The following ABAT variants were observed in gnomAD, a reference collection of about 807,000 sequenced individuals.
ABAT encodes the protein 4-aminobutyrate aminotransferase, mitochondrial.
In ABAT, 45 loss-of-function variants were observed where a neutral mutation model predicts 64.6. That is an observed-to-expected ratio of 0.70 (90% CI 0.55 to 0.89). The LOEUF (loss-of-function observed/expected upper bound fraction) is 0.89, where lower values mean the gene tolerates loss of function less well. Among genes scored for constraint, ABAT ranks in the 40% least tolerant of loss-of-function variants. ABAT has a pLI of 0.00. For missense variants in ABAT, 633 were observed against 658.4 expected, an observed-to-expected ratio of 0.96 and a Z score of 0.42; for synonymous variants, 297 against 250.5, an observed-to-expected ratio of 1.19 and a Z score of -1.75.
chr16:8,768,227 T>TCATGGGCGCGTTC lies in ABAT; in HGVS notation c.645_657dup (p.Thr221ValfsTer15). 1 of 1,614,060 alleles carries TCATGGGCGCGTTC rather than the reference T, an allele frequency of 6.2e-7. No individual in the cohort carries two copies. The highest frequency in any genetic ancestry group is 8.5e-7 in the Non-Finnish European group (1 of 1,180,018). On this transcript the variant is annotated frameshift_variant, in exon 10 of 16. Transcript: ENST00000268251. LOFTEE classifies it high-confidence loss of function. ...TGCCCCGACTACAGCATCCTCTCCT[T>TCATGGGCGCGTTC]CATGGGCGCGTTCCATGGGAGGACC... is the stretch of plus-strand genomic sequence containing the variant.
intron 5 of ABAT, among the ~76,000 whole-genome samples, chr16:8,752,131 T>C (rs544621072): frequency 1.9e-4 from 29 of 152,342 alleles, no homozygotes; most frequent in African/African-American, 6.7e-4. Flanking sequence ...CCCCCTCCTC[T>C]TCTTCCCCTG....
chr16:8,748,138 G>T lies in ABAT; in HGVS notation c.198+1G>T. ...AATGAAACAGCTGAATATAATTCAG[G>T]TAAGTGAGGAGGAGGTAACTTTCCT... On this transcript the variant is annotated splice_donor_variant, in intron 4 of 15. Transcript: ENST00000268251. LOFTEE classifies it high-confidence loss of function. 1 of 1,613,260 alleles carries T rather than the reference G, an allele frequency of 6.2e-7. No individual in the cohort carries two copies. The highest frequency in any genetic ancestry group is 8.5e-7 in the Non-Finnish European group (1 of 1,179,360).
intron 1 of ABAT, among the ~76,000 whole-genome samples, chr16:8,706,196 C>T (rs1006373630): frequency 6.6e-6 from 1 of 151,270 alleles, no homozygotes; most frequent in Non-Finnish European, 1.5e-5. Context: ...TCACTTGAGA[C>T]CAGTCTGGGC....
rs1454995143 is a variant in ABAT, at chr16:8,732,207, T to G, written c.-41-3492T>G. ...TTTAGGTTTTTTTTGTTTTTTTTTTTTGTTTGTTTGTTTTTTTAATTTATT... is the reference window on the plus strand; with the variant it reads ...TTTAGGTTTTTTTTGTTTTTTTTTTGTGTTTGTTTGTTTTTTTAATTTATT... On this transcript the variant is annotated intron_variant, in intron 1 of 15. Transcript: ENST00000268251. Among the ~76,000 whole-genome samples the G allele has an allele frequency of 4.0e-4, 50 of 124,374 alleles. 6 individuals are homozygous for G. Among genetic ancestry groups the G allele is most frequent in the African/African-American group, 1.4e-3 (44 of 31,806 alleles). 81.6% of individuals were successfully genotyped at this position (124,374 alleles called of 152,430 possible).
intron 2 of ABAT, chr16:8,736,109 G>T (rs2058923202): frequency 4.7e-6 from 2 of 421,976 alleles, no homozygotes; most frequent in African/African-American, 4.0e-5. Context: ...AGGCAAGAGA[G>T]CATGTGCAGG....
At chr16:8,697,860 C>T (rs1292361509) in intron 1 of ABAT, among the ~76,000 whole-genome samples, 4 of 152,190 alleles carry the variant, frequency 2.6e-5, no homozygotes. Flanking sequence ...TGGTCGCAAA[C>T]TCCTGACCTC....
intron 1 of ABAT, among the ~76,000 whole-genome samples, chr16:8,676,314 C>T (rs552027075): frequency 5.0e-4 from 76 of 152,060 alleles, no homozygotes; most frequent in Non-Finnish European, 8.4e-4. Context: ...GAGACTTGCT[C>T]AAGGTCACCC....
chr16:8,772,929 G>C lies in ABAT; in HGVS notation c.954+12G>C. ...ACATCGCCAGGAAGGTCAGTGGACA[G>C]GGCCGAGGTTGGATGGAGCCATTGG... On this transcript the variant is annotated intron_variant, in intron 12 of 15. Transcript: ENST00000268251. 2 of 1,613,260 alleles carry C rather than the reference G, an allele frequency of 1.2e-6. No homozygotes were observed. The highest frequency in any genetic ancestry group is 1.7e-6 in the Non-Finnish European group (2 of 1,179,950).
rs1318363294 is a variant in ABAT at position 8,782,681 on chromosome 16, C to G, written c.*1251C>G. 1 of 152,250 alleles carries G rather than the reference C, an allele frequency of 6.6e-6. No individual in the cohort carries two copies. The highest frequency in any genetic ancestry group is 1.5e-5 in the Non-Finnish European group (1 of 68,076). The allele number at this position is 152,250 out of a possible 1,614,324, so 9.4% of individuals were successfully genotyped here. A position where few individuals can be genotyped will look rare whatever the true frequency, so the allele number is the denominator to read the frequency against. On this transcript the variant is annotated 3_prime_UTR_variant, in exon 16 of 16. Coordinates refer to ENST00000268251, the MANE Select transcript of ABAT (RefSeq NM_020686.6). ...GGGGCTGTGGCTGAGGCTGTAGCAT[C>G]TCTGCTGGAGGTGAGACACTCTGGG...
At chr16:8,758,921 GTGAAACC>G (rs2059719578) in intron 6 of ABAT, among the ~76,000 whole-genome samples, 1 of 152,104 alleles carries the variant, frequency 6.6e-6, no homozygotes, top group Non-Finnish European at 1.5e-5. Flanking sequence ...GGCCAGCATG[GTGAAACC>G]CCGTCTCTAC....
chr16:8,779,458 C>A, intron 14 of ABAT, 21 bp from the exon 15 acceptor site: 1 of 1,605,774 alleles, frequency 6.2e-7, no homozygotes, highest in Non-Finnish European at 8.5e-7. Flanking sequence ...TTGACGCCAG[C>A]CTTGTCTCCT....
At chr16:8,741,771 C>A (rs2059167960) in intron 2 of ABAT, among the ~76,000 whole-genome samples, 1 of 152,136 alleles carries the variant, frequency 6.6e-6, no homozygotes, top group Non-Finnish European at 1.5e-5. Context: ...GAAGGAAAAG[C>A]AGAAGTATTG....
intron 5 of ABAT, among the ~76,000 whole-genome samples, chr16:8,753,386 C>T (rs1056334258): frequency 9.9e-5 from 15 of 152,152 alleles, no homozygotes; most frequent in Non-Finnish European, 2.1e-4. Flanking sequence ...TGAGCCACCG[C>T]GCCTGGCCCT....
At position 8,693,004 on chromosome 16, in the gene ABAT, C is replaced by A. The variant is rs193159246; in HGVS notation, c.-42+18293C>A. Among the ~76,000 whole-genome samples the A allele has an allele frequency of 2.4e-3, 363 of 152,274 alleles. 2 individuals are homozygous for A. The highest frequency in any genetic ancestry group is 8.4e-3 in the African/African-American group (350 of 41,558). ...GAGTAGCTGGGATTACAGGTGCACA[C>A]CACCACATCTGGCTAATTTTTGTAT... On this transcript the variant is annotated intron_variant, in intron 1 of 15. Coordinates refer to ENST00000268251, the MANE Select transcript of ABAT (RefSeq NM_020686.6).
At chr16:8,722,645 G>A (rs1477817707) in intron 1 of ABAT, 2 of 397,250 alleles carry the variant, frequency 5.0e-6, no homozygotes, top group Non-Finnish European at 9.2e-6. Context: ...CCAACAACCA[G>A]CCTGCTGTAA....
At chr16:8,687,407 T>C (rs2057480227) in intron 1 of ABAT, among the ~76,000 whole-genome samples, 1 of 152,142 alleles carries the variant, frequency 6.6e-6, no homozygotes, top group African/African-American at 2.4e-5. Flanking sequence ...ATGCCTGTAA[T>C]CCCAGCCACA....
intron 1 of ABAT, among the ~76,000 whole-genome samples, chr16:8,696,698 T>A (rs909084451): frequency 1.3e-5 from 2 of 152,108 alleles, no homozygotes; most frequent in Non-Finnish European, 2.9e-5. Context: ...TCTTCTGGCC[T>A]ATAGATGCTG....
intron 10 of ABAT, 94 bp from the exon 11 acceptor site, chr16:8,768,731 G>A (rs1051030324): frequency 6.4e-7 from 1 of 1,568,316 alleles, no homozygotes; most frequent in African/African-American, 1.3e-5. Context: ...CCCACTGACA[G>A]CCTTGCGCTG....
At chr16:8,749,388 T>A (rs2059417104) in intron 4 of ABAT, among the ~76,000 whole-genome samples, 1 of 61,026 alleles carries the variant, frequency 1.6e-5, no homozygotes. Flanking sequence ...CACCCGGCCT[T>A]TTTTTTTTTT....
Sources: allele counts gnomAD v4.1 joint callset (sites outside exome capture counted in the v4.1 genomes callset), GRCh38; gene constraint gnomAD v4.1.1; transcripts MANE v1.5; gene names NCBI Gene and HGNC (gene_info 2026-07-23, HGNC 2026-07-21).